PTPRE: variants seen among roughly 807,000 people sequenced by gnomAD.
The protein encoded by PTPRE is receptor-type tyrosine-protein phosphatase epsilon.
A neutral mutation model predicts 102.0 loss-of-function variants in PTPRE; 51 were observed. That is an observed-to-expected ratio of 0.50 (90% confidence interval 0.40 to 0.63). PTPRE has a LOEUF of 0.63. PTPRE is among the 30% of genes least tolerant of loss of function. The pLI, the probability that PTPRE is intolerant of heterozygous loss-of-function variation, is 0.00. For missense variants in PTPRE, 752 were observed against 915.1 expected, an observed-to-expected ratio of 0.82 and a Z score of 2.30; for synonymous variants, 345 against 348.2, an observed-to-expected ratio of 0.99 and a Z score of 0.10.
chr10:128,013,322 G>T (rs963705378), intron 2 of PTPRE, among the ~76,000 whole-genome samples: 2 of 152,180 alleles, frequency 1.3e-5, no homozygotes, highest in African/African-American at 4.8e-5. Flanking sequence ...TTGCCCTGCA[G>T]CTCTCAATGT....
At chr10:127,992,371 C>A (rs1021605508) in intron 2 of PTPRE, among the ~76,000 whole-genome samples, 1 of 152,170 alleles carries the variant, frequency 6.6e-6, no homozygotes, top group African/African-American at 2.4e-5. Flanking sequence ...AGGGTTCTCG[C>A]CATCCAGGTT....
At chr10:128,016,820 C>A (rs1015673166) in intron 2 of PTPRE, among the ~76,000 whole-genome samples, 8 of 152,352 alleles carry the variant, frequency 5.3e-5, no homozygotes, top group African/African-American at 1.9e-4. Flanking sequence ...TTTAGCCCAA[C>A]GTGGCTGAGG....
rs961059735 is a variant in PTPRE at position 128,008,603 on chromosome 10, G to T, written c.-8+26307G>T. On this transcript the variant is annotated intron_variant, in intron 2 of 20. Transcript: ENST00000254667. This position sits in a 1 kb window ranked among gnomAD's most constrained non-coding sequence, Gnocchi z 4.0. The stretch of plus-strand genomic sequence containing the variant: ...GTGGAGCATCCCGCCTTTGCTTTTG[G>T]TATGGGAAGGAGCCCGACACACCTG... 6.6e-6 allele frequency among the ~76,000 whole-genome samples: 1 copy of T among 152,144 alleles called. No individual in the cohort carries two copies. The highest frequency in any genetic ancestry group is 6.5e-5 in the Admixed American group (1 of 15,284).
intron 16 of PTPRE, 86 bp from the exon 17 acceptor site, chr10:128,073,251 C>G: frequency 1.9e-6 from 3 of 1,561,060 alleles, no homozygotes; most frequent in Admixed American, 3.5e-5. Flanking sequence ...CCTCATTAGG[C>G]CTTAGGCTGT....
chr10:127,936,677 C>T (rs898665530), intron 1 of PTPRE, among the ~76,000 whole-genome samples: 4 of 152,076 alleles, frequency 2.6e-5, no homozygotes, highest in East Asian at 1.9e-4. Context: ...ATAAGGGAAG[C>T]GTTGTCCCAT....
intron 7 of PTPRE, among the ~76,000 whole-genome samples, chr10:128,060,434 TCCCCAATCCTAGAC>T (rs934915141): frequency 2.0e-5 from 3 of 151,900 alleles, no homozygotes; most frequent in Non-Finnish European, 4.4e-5. Flanking sequence ...AGGGTCAGAG[TCCCCAATCCTAGAC>T]CCCCACATCC....
chr10:128,066,338 G>C (rs945735825), intron 11 of PTPRE, 144 bp downstream of exon 11: 32 of 1,334,062 alleles, frequency 2.4e-5, no homozygotes, highest in Non-Finnish European at 3.3e-5. Context: ...GCAGTGGCCA[G>C]GCTGTGATAG....
intron 2 of PTPRE, among the ~76,000 whole-genome samples, chr10:128,007,884 G>A (rs1158478686): frequency 6.6e-6 from 1 of 152,108 alleles, no homozygotes; most frequent in African/African-American, 2.4e-5. Context: ...CAACTTGCTC[G>A]GCTTCTGTAC....
Position 128,060,836 on chromosome 10 carries a change from G to C in PTPRE, c.512-103G>C. ...GTGAAGCTGCTTTTGCCCTTCCCAG[G>C]AGCTGACACTGCAGATGAAGAGACA... On this transcript the variant is annotated intron_variant, in intron 7 of 20. Coordinates refer to ENST00000254667, the MANE Select transcript of PTPRE (RefSeq NM_006504.6). 5 of 1,142,706 alleles carry C rather than the reference G, an allele frequency of 4.4e-6. No individual in the cohort carries two copies. In the South Asian group the frequency reaches 6.5e-5, roughly 15 times the overall value. The allele number at this position is 1,142,706 out of a possible 1,614,324, so 70.8% of individuals were successfully genotyped here. A position where few individuals can be genotyped will look rare whatever the true frequency, so the allele number is the denominator to read the frequency against.
intron 1 of PTPRE, among the ~76,000 whole-genome samples, chr10:127,932,963 C>T (rs1847557916): frequency 6.6e-6 from 1 of 152,178 alleles, no homozygotes; most frequent in African/African-American, 2.4e-5. Flanking sequence ...GATGCTTTAG[C>T]GGGTGGCTCC....
At chr10:128,003,514 G>GA (rs1056919926) in intron 2 of PTPRE, among the ~76,000 whole-genome samples, 2 of 151,624 alleles carry the variant, frequency 1.3e-5, no homozygotes, top group Admixed American at 6.6e-5. Context: ...AAAGGAAAAA[G>GA]AAAAAAAAGA....
intron 2 of PTPRE, among the ~76,000 whole-genome samples, chr10:128,018,314 C>T (rs1174086339): frequency 6.6e-6 from 1 of 152,188 alleles, no homozygotes; most frequent in African/African-American, 2.4e-5. Flanking sequence ...GATGCTGCTC[C>T]TAGCAGTGCT....
intron 2 of PTPRE, among the ~76,000 whole-genome samples, chr10:128,023,742 T>G (rs1846097940): frequency 6.6e-6 from 1 of 152,236 alleles, no homozygotes; most frequent in Admixed American, 6.5e-5. Flanking sequence ...GTAACAAGAC[T>G]GCAAAAGTAT....
chr10:127,926,426 C>T (rs1022771042), intron 1 of PTPRE, among the ~76,000 whole-genome samples: 3 of 152,176 alleles, frequency 2.0e-5, no homozygotes, highest in Admixed American at 6.5e-5. Flanking sequence ...AGTTGTTCTG[C>T]GGCAAAGCAC....
Position 128,010,323 on chromosome 10 carries a change from C to A in PTPRE, c.-8+28027C>A, listed in dbSNP as rs980727720. On this transcript the variant is annotated intron_variant, in intron 2 of 20. Coordinates refer to ENST00000254667, the MANE Select transcript of PTPRE (RefSeq NM_006504.6). ...GCCTGGTGGTTGAGGTATGCCCAGCCTTTGCTAAAGACAGCAGAGAATAGC... is the reference window on the plus strand; with the variant it reads ...GCCTGGTGGTTGAGGTATGCCCAGCATTTGCTAAAGACAGCAGAGAATAGC... Among the ~76,000 whole-genome samples the A allele has an allele frequency of 9.3e-4, 141 of 152,204 alleles. 1 individual carries two copies. The highest frequency in any genetic ancestry group is 6.9e-4 in the Non-Finnish European group (47 of 68,048).
At chr10:127,935,590 C>G (rs929198337) in intron 1 of PTPRE, among the ~76,000 whole-genome samples, 1 of 152,152 alleles carries the variant, frequency 6.6e-6, no homozygotes, top group African/African-American at 2.4e-5. Context: ...TTTCATCTCC[C>G]TGGCAGGACC....
At chr10:127,920,414 C>A (rs913287) in intron 1 of PTPRE, among the ~76,000 whole-genome samples, 1 of 151,998 alleles carries the variant, frequency 6.6e-6, no homozygotes, top group African/African-American at 2.4e-5. Flanking sequence ...TGCTGGTGGG[C>A]GTGTGACAGC....
At chr10:128,013,969 G>A (rs1845223354) in intron 2 of PTPRE, among the ~76,000 whole-genome samples, 1 of 152,208 alleles carries the variant, frequency 6.6e-6, no homozygotes, top group African/African-American at 2.4e-5. Flanking sequence ...GTGCGTGCAG[G>A]AGGCTACCAC....
At chr10:127,968,161 G>A (rs998288066) in intron 1 of PTPRE, among the ~76,000 whole-genome samples, 1 of 152,118 alleles carries the variant, frequency 6.6e-6, no homozygotes, top group African/African-American at 2.4e-5. Context: ...CCATGCAAAT[G>A]TCATTTAAAT....
Sources: allele counts gnomAD v4.1 joint callset (sites outside exome capture counted in the v4.1 genomes callset), GRCh38; gene constraint gnomAD v4.1.1; non-coding constraint Gnocchi (gnomAD v3.1); transcripts MANE v1.5; gene names NCBI Gene and HGNC (gene_info 2026-07-23, HGNC 2026-07-21).